Variants in FTCDNL1 observed in about 807,000 individuals in gnomAD.
FTCDNL1 encodes the protein formiminotransferase N-terminal subdomain-containing protein.
FTCDNL1 carries 11 observed loss-of-function variants against 5.9 expected under a neutral mutation model. That is an observed-to-expected ratio of 1.87 (90% confidence interval 1.18 to 3.10). The LOEUF is 3.10. Ranked by LOEUF, FTCDNL1 falls within the 30% of genes most tolerant of loss-of-function variation. The pLI is 0.00. For missense variants in FTCDNL1, 115 were observed against 65.5 expected (o/e 1.76, Z -2.61); for synonymous variants, 58 against 24.8 (o/e 2.34, Z -3.99).
At chr2:199,801,232 G>A (rs752316546) in intron 3 of FTCDNL1, among the ~76,000 whole-genome samples, 3 of 152,102 alleles carry the variant, frequency 2.0e-5, no homozygotes, top group Non-Finnish European at 4.4e-5. Context: ...CACTAGACAC[G>A]GATGTGACTA....
At chr2:199,720,506 G>T in the FTCDNL1 span, among the ~76,000 whole-genome samples, 2 of 152,252 alleles carry the variant, frequency 1.3e-5, no homozygotes, top group East Asian at 3.9e-4. Flanking sequence ...GCAAGGTCAC[G>T]ATCCCTCTAA....
At chr2:199,816,489 G>C (rs1290402017) in intron 4 of FTCDNL1, among the ~76,000 whole-genome samples, 1 of 152,066 alleles carries the variant, frequency 6.6e-6, no homozygotes, top group Admixed American at 6.5e-5. Flanking sequence ...AATAATCACA[G>C]GGTTGATTTA....
At chr2:199,765,532 T>TTTTA (rs1436369027) in intron 3 of FTCDNL1, among the ~76,000 whole-genome samples, 1 of 79,624 alleles carries the variant, frequency 1.3e-5, no homozygotes, top group African/African-American at 3.8e-5. Flanking sequence ...TTTGTCTTCA[T>TTTTA]TATATATATA....
rs1054645214 is a variant in FTCDNL1 at position 199,811,826 on chromosome 2, T to C, written c.*879A>G. 1.3e-5 allele frequency among the ~76,000 whole-genome samples: 2 copies of C among 152,182 alleles called. No homozygotes were observed. Among genetic ancestry groups the C allele is most frequent in the African/African-American group, 2.4e-5 (1 of 41,440 alleles). On this transcript the variant is annotated 3_prime_UTR_variant, in exon 5 of 5. Transcript: ENST00000420128. Reference sequence around the variant, plus strand: ...AAATGAACTCATTGCCTAAGACAAATTATTAAAGATAAAGTAAGCTTAGAC... The same window carrying C: ...AAATGAACTCATTGCCTAAGACAAACTATTAAAGATAAAGTAAGCTTAGAC...
intron 2 of FTCDNL1, 37 bp downstream of exon 2, chr2:199,848,811 A>G (rs2076797464): frequency 1.4e-6 from 1 of 697,716 alleles, no homozygotes; most frequent in Non-Finnish European, 2.6e-6. Context: ...TTATCAAAAC[A>G]CTATAATATT....
chr2:199,665,320 C>T, the FTCDNL1 span, among the ~76,000 whole-genome samples: 28 of 152,106 alleles, frequency 1.8e-4, no homozygotes, highest in Non-Finnish European at 3.8e-4. Context: ...TAAAAGACTG[C>T]TATCCCCAGG....
Position 199,834,735 on chromosome 2 carries a change from G to A in FTCDNL1, c.211+11340C>T, listed in dbSNP as rs376963509. Among the ~76,000 whole-genome samples the A allele has an allele frequency of 7.9e-5, 12 of 152,288 alleles. No individual in the cohort carries two copies. In the South Asian group the frequency reaches 1.0e-3, roughly 13 times the overall value. On this transcript the variant is annotated intron_variant, in intron 3 of 4. Transcript: ENST00000420128. ...AAGGAAGACGTGTATTATTTGTCAC[G>A]CTCTCCTCTTAAACCTACCCCAATA...
At chr2:199,777,121 C>A (rs1484859822) in intron 3 of FTCDNL1, among the ~76,000 whole-genome samples, 1 of 151,710 alleles carries the variant, frequency 6.6e-6, no homozygotes, top group Non-Finnish European at 1.5e-5. Context: ...GGCGAAACCC[C>A]GTCTCCACTA....
the FTCDNL1 span, among the ~76,000 whole-genome samples, chr2:199,665,307 G>A: frequency 6.6e-6 from 1 of 152,032 alleles, no homozygotes; most frequent in African/African-American, 2.4e-5. Context: ...AGGCACACAG[G>A]AATAAAAGAC....
the FTCDNL1 span, among the ~76,000 whole-genome samples, chr2:199,744,161 G>A: frequency 2.6e-5 from 4 of 152,098 alleles, no homozygotes; most frequent in Admixed American, 6.5e-5. Context: ...AAGGGCTGGC[G>A]AGGCCTCAGA....
chr2:199,836,488 A>G (rs1702751200), intron 3 of FTCDNL1, among the ~76,000 whole-genome samples: 1 of 152,138 alleles, frequency 6.6e-6, no homozygotes, highest in Admixed American at 6.5e-5. Flanking sequence ...CAATATTTCA[A>G]TAAACCCTAT....
At chr2:199,799,567 G>T (rs1412493198) in intron 3 of FTCDNL1, among the ~76,000 whole-genome samples, 1 of 152,186 alleles carries the variant, frequency 6.6e-6, no homozygotes, top group Non-Finnish European at 1.5e-5. Flanking sequence ...GAGTACAAGA[G>T]AATTTAGCAG....
intron 3 of FTCDNL1, among the ~76,000 whole-genome samples, chr2:199,836,926 C>T (rs577256147): frequency 3.9e-5 from 6 of 152,304 alleles, no homozygotes; most frequent in South Asian, 4.1e-4. Context: ...TGGTCCCCCA[C>T]AGGCCAAGTG....
chr2:199,782,687 C>T (rs1309496899), intron 3 of FTCDNL1, among the ~76,000 whole-genome samples: 4 of 152,188 alleles, frequency 2.6e-5, no homozygotes, highest in Non-Finnish European at 5.9e-5. Flanking sequence ...ACGTATCCTC[C>T]TAAGAGGGGG....
the FTCDNL1 span, among the ~76,000 whole-genome samples, chr2:199,726,499 G>A: frequency 3.3e-5 from 5 of 152,192 alleles, no homozygotes; most frequent in South Asian, 2.1e-4. Flanking sequence ...ATGTTTTTGC[G>A]CTGATTTTTT....
chr2:199,712,550 T>A, the FTCDNL1 span, among the ~76,000 whole-genome samples: 1 of 152,144 alleles, frequency 6.6e-6, no homozygotes, highest in African/African-American at 2.4e-5. Flanking sequence ...TGAATGAGAC[T>A]CCCAGGGCTA....
At chr2:199,768,615 A>G (rs951675271) in intron 3 of FTCDNL1, among the ~76,000 whole-genome samples, 4 of 152,104 alleles carry the variant, frequency 2.6e-5, no homozygotes, top group Admixed American at 6.6e-5. Flanking sequence ...AGAATAAGGA[A>G]GGAAAAGCAG....
chr2:199,773,144 G>T (rs1174827868), intron 3 of FTCDNL1, among the ~76,000 whole-genome samples: 1 of 152,092 alleles, frequency 6.6e-6, no homozygotes, highest in Non-Finnish European at 1.5e-5. Flanking sequence ...TTATTATCTT[G>T]TTGTAATAGG....
intron 3 of FTCDNL1, among the ~76,000 whole-genome samples, chr2:199,771,677 C>A (rs1039749543): frequency 2.6e-5 from 4 of 152,286 alleles, no homozygotes; most frequent in African/African-American, 7.2e-5. Flanking sequence ...GTAAAAGATT[C>A]TTTATAAACT....
Sources: allele counts gnomAD v4.1 joint callset (sites outside exome capture counted in the v4.1 genomes callset), GRCh38; gene constraint gnomAD v4.1.1; transcripts MANE v1.5; gene names NCBI Gene and HGNC (gene_info 2026-07-23, HGNC 2026-07-21).